Variants in NSRP1 observed in about 807,000 individuals in gnomAD.
The protein encoded by NSRP1 is coiled-coil domain containing 55.
A neutral mutation model predicts 54.7 loss-of-function variants in NSRP1; 24 were observed. The ratio of observed to expected loss-of-function variants is 0.44; its 90% confidence interval spans 0.32 to 0.62. The LOEUF (loss-of-function observed/expected upper bound fraction) is 0.62, where lower values mean the gene tolerates loss of function less well. Ranked by LOEUF, NSRP1 falls within the 20% of genes least tolerant of loss-of-function variation. The pLI is 0.06. For missense variants in NSRP1, 596 were observed against 651.2 expected (o/e 0.92, Z 0.92); for synonymous variants, 210 against 213.8 (o/e 0.98, Z 0.15).
chr17:30,181,038 AT>A (rs1186240655), intron 6 of NSRP1, 22 bp downstream of exon 6: 10 of 1,415,152 alleles, frequency 7.1e-6, no homozygotes, highest in Non-Finnish European at 9.0e-6. Flanking sequence ...TGTATGAAAT[AT>A]TTTGAAGAAA....
At chr17:30,136,210 A>G (rs1158962774) in intron 2 of NSRP1, among the ~76,000 whole-genome samples, 1 of 152,214 alleles carries the variant, frequency 6.6e-6, no homozygotes, top group African/African-American at 2.4e-5. Flanking sequence ...GATACAATTG[A>G]GAACTACCAG....
intron 2 of NSRP1, among the ~76,000 whole-genome samples, chr17:30,146,944 G>T (rs1224911313): frequency 6.6e-6 from 1 of 152,138 alleles, no homozygotes; most frequent in Non-Finnish European, 1.5e-5. Flanking sequence ...ATCTCTTCTA[G>T]TCCTTATACC....
intron 2 of NSRP1, among the ~76,000 whole-genome samples, chr17:30,121,536 G>T (rs1490931307): frequency 7.1e-6 from 1 of 140,018 alleles, no homozygotes; most frequent in African/African-American, 2.7e-5. Context: ...CTTTTAAAGT[G>T]TACAATTCAC....
At chr17:30,162,952 T>C (rs760145810) in intron 2 of NSRP1, 28 of 152,214 alleles carry the variant, frequency 1.8e-4, no homozygotes, top group Non-Finnish European at 3.1e-4. Context: ...CGATCTCAGC[T>C]CACTGCAACC....
At chr17:30,140,520 CTTTTTTTTTTTTT>C (rs10608409) in intron 2 of NSRP1, among the ~76,000 whole-genome samples, 5 of 50,310 alleles carry the variant, frequency 9.9e-5, no homozygotes, top group Non-Finnish European at 1.8e-4. Flanking sequence ...TCAGATTTTA[CTTTTTTTTTTTTT>C]TTTTTTTTTT....
intron 2 of NSRP1, among the ~76,000 whole-genome samples, chr17:30,167,580 G>T (rs1417790212): frequency 1.3e-5 from 2 of 151,998 alleles, no homozygotes; most frequent in Non-Finnish European, 2.9e-5. Flanking sequence ...CTGCACTCCA[G>T]TCTGGGCAAC....
intron 2 of NSRP1, among the ~76,000 whole-genome samples, chr17:30,159,807 C>A (rs1904444390): frequency 6.6e-6 from 1 of 152,034 alleles, no homozygotes; most frequent in Admixed American, 6.6e-5. Flanking sequence ...TACAGGCATG[C>A]ACCACCATGT....
chr17:30,171,536 G>A lies in NSRP1; in HGVS notation c.115-1006G>A, dbSNP rs558637416. On this transcript the variant is annotated intron_variant, in intron 2 of 6. Transcript: ENST00000247026. ...GGCCAGGCTGGTCTCAAAACTCCTG[G>A]CCTCAAGTGATCTGCCTGCCTCAGC... 3.3e-5 allele frequency among the ~76,000 whole-genome samples: 5 copies of A among 151,998 alleles called. No homozygotes were observed. The South Asian group carries it at 8.3e-4, about 25-fold the overall frequency.
At chr17:30,162,424 T>G (rs1275777871) in intron 2 of NSRP1, among the ~76,000 whole-genome samples, 2 of 152,218 alleles carry the variant, frequency 1.3e-5, no homozygotes, top group Admixed American at 1.3e-4. Flanking sequence ...TCACAGCCCT[T>G]AAACTTTGTA....
In NSRP1 at chr17:30,142,106, A is replaced by G. The variant is rs1435807436; in HGVS notation, c.114+23933A>G. ...GTATTACAAGAGGCTGTGTATCTCT[A>G]CCTTGCAAACAATTTGTGTATCTCG... On this transcript the variant is annotated intron_variant, in intron 2 of 6. Coordinates refer to ENST00000247026, the MANE Select transcript of NSRP1 (RefSeq NM_032141.4). 4.6e-5 allele frequency among the ~76,000 whole-genome samples: 7 copies of G among 152,112 alleles called. No homozygotes were observed. In the East Asian group the frequency reaches 5.8e-4, roughly 13 times the overall value.
chr17:30,159,908 C>T (rs1404874842), intron 2 of NSRP1, among the ~76,000 whole-genome samples: 3 of 152,120 alleles, frequency 2.0e-5, no homozygotes, highest in East Asian at 3.9e-4. Flanking sequence ...GTGATCTGCT[C>T]GCCTTGGCCT....
chr17:30,166,085 A>G (rs1162006462), intron 2 of NSRP1, among the ~76,000 whole-genome samples: 1 of 152,226 alleles, frequency 6.6e-6, no homozygotes, highest in Non-Finnish European at 1.5e-5. Context: ...TTAAACAGGA[A>G]CATGATAATA....
intron 2 of NSRP1, among the ~76,000 whole-genome samples, chr17:30,124,833 T>TA (rs2071636229): frequency 6.6e-6 from 1 of 152,160 alleles, no homozygotes; most frequent in Non-Finnish European, 1.5e-5. Flanking sequence ...TCCTTACCTA[T>TA]AAAAAAATCA....
At position 30,178,058 on chromosome 17, in the gene NSRP1, A is replaced by ATTT; in HGVS notation, c.172-6_172-4dup. 6.2e-7 allele frequency: 1 copy of ATTT among 1,600,292 alleles called. No individual in the cohort carries two copies. Among genetic ancestry groups the ATTT allele is most frequent in the Non-Finnish European group, 8.5e-7 (1 of 1,170,550 alleles). On this transcript the variant is annotated splice_polypyrimidine_tract_variant and intron_variant, in intron 3 of 6. Transcript: ENST00000247026. ...GGCTCATATTTTTGAAACATGTTTA[A>ATTT]TTTTTTTTTAAGACCAAACTGGAAA...
At chr17:30,172,014 T>TCTCACA (rs144705088) in intron 2 of NSRP1, among the ~76,000 whole-genome samples, 3,950 of 130,994 alleles carry the variant, frequency 0.03, 136 homozygotes, top group East Asian at 0.051. Context: ...TCTCTCTCTC[T>TCTCACA]CACATGTTCA....
In NSRP1 at chr17:30,116,876, GGA is replaced by G. The variant is rs1298579820; in HGVS notation, c.20+15_20+16del. The G allele has an allele frequency of 6.4e-7, 1 of 1,571,380 alleles. No individual in the cohort carries two copies. Among genetic ancestry groups the G allele is most frequent in the Non-Finnish European group, 8.6e-7 (1 of 1,157,802 alleles). On this transcript the variant is annotated intron_variant, in intron 1 of 6. Transcript: ENST00000247026. ...TTCCGGGCAGGCAGTGAGTGATCCG[GGA>G]GTTAGGGTCAGGCTGGGGGATGAGA...
intron 6 of NSRP1, among the ~76,000 whole-genome samples, chr17:30,184,238 A>C (rs865858164): frequency 5.9e-5 from 9 of 152,190 alleles, no homozygotes; most frequent in South Asian, 4.1e-4. Context: ...AACAGTCACA[A>C]CTTAAGCTTC....
intron 5 of NSRP1, 57 bp from the exon 6 acceptor site, chr17:30,180,851 A>G: frequency 9.1e-7 from 1 of 1,097,732 alleles, no homozygotes; most frequent in Non-Finnish European, 1.4e-6. Flanking sequence ...TGTCTGTAAA[A>G]TGAAACTGCA....
At chr17:30,128,098 CAA>C in intron 2 of NSRP1, 1 of 356,456 alleles carries the variant, frequency 2.8e-6, no homozygotes, top group African/African-American at 2.1e-5. Context: ...TTTGGCCTCC[CAA>C]AGTGTTGGGC....
Sources: allele counts gnomAD v4.1 joint callset (sites outside exome capture counted in the v4.1 genomes callset), GRCh38; gene constraint gnomAD v4.1.1; transcripts MANE v1.5; gene names NCBI Gene and HGNC (gene_info 2026-07-23, HGNC 2026-07-21).